The following TSHZ1 variants were observed in gnomAD, a reference collection of about 807,000 sequenced individuals.
TSHZ1 encodes teashirt zinc finger homeobox 1.
In TSHZ1, 12 loss-of-function variants were observed where a neutral mutation model predicts 67.1. That is an observed-to-expected ratio of 0.18 (90% CI 0.11 to 0.29). The LOEUF (loss-of-function observed/expected upper bound fraction) is 0.29. TSHZ1 is among the 10% of genes least tolerant of loss of function. TSHZ1 has a pLI of 1.00. For missense variants in TSHZ1, 1,305 were observed against 1,413.9 expected, an observed-to-expected ratio of 0.92 and a Z score of 1.23; for synonymous variants, 632 against 622.4, an observed-to-expected ratio of 1.02 and a Z score of -0.23.
At chr18:75,255,419 A>C (rs2023351053) in intron 1 of TSHZ1, among the ~76,000 whole-genome samples, 1 of 152,244 alleles carries the variant, frequency 6.6e-6, no homozygotes, top group Non-Finnish European at 1.5e-5. Flanking sequence ...TGCTAAATAC[A>C]GGTAACATGC....
intron 1 of TSHZ1, among the ~76,000 whole-genome samples, chr18:75,278,267 AG>A (rs1010467813): frequency 5.1e-4 from 52 of 102,602 alleles, no homozygotes; most frequent in African/African-American, 1.7e-3. Flanking sequence ...GGTGGGTTGG[AG>A]GGGGGCTGGC....
At chr18:75,266,624 A>C (rs2023493472) in intron 1 of TSHZ1, among the ~76,000 whole-genome samples, 1 of 152,236 alleles carries the variant, frequency 6.6e-6, no homozygotes, top group African/African-American at 2.4e-5. Context: ...AAAGCCAAAA[A>C]GTGGCACTAA....
rs910016648 is a variant in TSHZ1 at position 75,281,698 on chromosome 18, C to T, written c.41-3750C>T. On this transcript the variant is annotated intron_variant, in intron 1 of 1. Coordinates refer to ENST00000580243, the MANE Select transcript of TSHZ1 (RefSeq NM_001308210.2). This position sits in a 1 kb window ranked among gnomAD's most constrained non-coding sequence, Gnocchi z 5.3. ...GACCTGGGGATGCGGCAGCTCAGAA[C>T]GGGGAGCGGGTAGCGGTCACCGAGG... 3.3e-5 allele frequency among the ~76,000 whole-genome samples: 5 copies of T among 152,164 alleles called. No individual in the cohort carries two copies. In the East Asian group the frequency reaches 5.8e-4, roughly 18 times the overall value.
intron 1 of TSHZ1, among the ~76,000 whole-genome samples, chr18:75,223,638 A>AATT (rs1221366343): frequency 5.3e-5 from 8 of 151,630 alleles, no homozygotes; most frequent in Admixed American, 5.3e-4. Context: ...AAAAAAAAAA[A>AATT]ATTGTCCCCC....
rs1423068333 is a variant in TSHZ1 at position 75,211,502 on chromosome 18, C to T, written c.-375C>T. ...CGCGCCGGGAGGAGCGCCCGCCCAGCAGCAGCGCGGCGGCGGGGAGGCGGC... is the reference window on the plus strand; with the variant it reads ...CGCGCCGGGAGGAGCGCCCGCCCAGTAGCAGCGCGGCGGCGGGGAGGCGGC... On this transcript the variant is annotated 5_prime_UTR_variant, in exon 1 of 2. Coordinates refer to ENST00000580243, the MANE Select transcript of TSHZ1 (RefSeq NM_001308210.2). 2 of 146,744 alleles carry T rather than the reference C, an allele frequency of 1.4e-5. No homozygotes were observed. Among genetic ancestry groups the T allele is most frequent in the Non-Finnish European group, 3.0e-5 (2 of 66,210 alleles). 9.1% of individuals were successfully genotyped at this position (146,744 alleles called of 1,614,324 possible).
At chr18:75,237,583 T>C (rs981265312) in intron 1 of TSHZ1, among the ~76,000 whole-genome samples, 13 of 152,138 alleles carry the variant, frequency 8.5e-5, no homozygotes, top group African/African-American at 2.7e-4. Flanking sequence ...TGTATACATA[T>C]ATACACACAG....
intron 1 of TSHZ1, among the ~76,000 whole-genome samples, chr18:75,216,200 TC>T (rs2022765583): frequency 6.6e-6 from 1 of 152,246 alleles, no homozygotes; most frequent in Non-Finnish European, 1.5e-5. Context: ...ATGTCTTATT[TC>T]CTACTCACTG....
At chr18:75,231,971 T>G (rs530944301) in intron 1 of TSHZ1, among the ~76,000 whole-genome samples, 97 of 152,238 alleles carry the variant, frequency 6.4e-4, no homozygotes, top group African/African-American at 2.3e-3. Flanking sequence ...TTCAGTGGTG[T>G]GAACTCAGCT....
At chr18:75,222,378 C>T (rs1257326536) in intron 1 of TSHZ1, among the ~76,000 whole-genome samples, 2 of 152,130 alleles carry the variant, frequency 1.3e-5, no homozygotes, top group Admixed American at 6.5e-5. Flanking sequence ...TCTTTTCTCC[C>T]TACTTTTCGA....
At chr18:75,212,375 C>G (rs2022709694) in intron 1 of TSHZ1, among the ~76,000 whole-genome samples, 1 of 150,660 alleles carries the variant, frequency 6.6e-6, no homozygotes, top group Admixed American at 6.6e-5. Context: ...AAACAGCAGC[C>G]TTTAATGTCC....
chr18:75,282,308 C>T (rs988829166), intron 1 of TSHZ1, among the ~76,000 whole-genome samples: 3 of 152,142 alleles, frequency 2.0e-5, no homozygotes, highest in Admixed American at 6.5e-5. Flanking sequence ...GGCCCTGAGA[C>T]GCAGCCCTGA....
At chr18:75,256,607 T>A (rs945497017) in intron 1 of TSHZ1, among the ~76,000 whole-genome samples, 2 of 152,226 alleles carry the variant, frequency 1.3e-5, no homozygotes, top group Non-Finnish European at 2.9e-5. Context: ...TTCCCTGGAA[T>A]TTTCTATAAA....
At chr18:75,258,980 T>C (rs2023396901) in intron 1 of TSHZ1, among the ~76,000 whole-genome samples, 1 of 152,128 alleles carries the variant, frequency 6.6e-6, no homozygotes, top group Non-Finnish European at 1.5e-5. Flanking sequence ...TAAGAAAAGG[T>C]CAAAGAAGGT....
At chr18:75,263,966 C>T (rs2023460293) in intron 1 of TSHZ1, among the ~76,000 whole-genome samples, 1 of 152,224 alleles carries the variant, frequency 6.6e-6, no homozygotes, top group African/African-American at 2.4e-5. Flanking sequence ...TGTAGTTATA[C>T]TACATTCTAT....
intron 1 of TSHZ1, among the ~76,000 whole-genome samples, chr18:75,235,559 C>T (rs189369462): frequency 6.6e-6 from 1 of 152,300 alleles, no homozygotes; most frequent in Non-Finnish European, 1.5e-5. Context: ...TGAGTACTTG[C>T]TTATTTCTTG....
At chr18:75,242,601 G>A (rs891068412) in intron 1 of TSHZ1, among the ~76,000 whole-genome samples, 2 of 152,184 alleles carry the variant, frequency 1.3e-5, no homozygotes, top group Non-Finnish European at 2.9e-5. Flanking sequence ...ATATTGATTT[G>A]GATATCATCT....
At chr18:75,273,969 G>C (rs1322610030) in intron 1 of TSHZ1, among the ~76,000 whole-genome samples, 1 of 152,080 alleles carries the variant, frequency 6.6e-6, no homozygotes, top group African/African-American at 2.4e-5. Context: ...GTGCACTCTC[G>C]CACACCCACA....
rs777123658 is a variant in TSHZ1, at chr18:75,289,071, G to GAA, written c.*441_*442dup. The GAA allele has an allele frequency of 9.1e-3, 1,275 of 139,786 alleles. 9 individuals carry two copies. The highest frequency in any genetic ancestry group is 0.016 in the Non-Finnish European group (946 of 60,120). 8.7% of individuals were successfully genotyped at this position (139,786 alleles called of 1,614,324 possible). ...AATTGCATTTCTGTGCCTTTCACTT[G>GAA]AAAAAAAAAAAAGAAGAAAAAAAGG... On this transcript the variant is annotated 3_prime_UTR_variant, in exon 2 of 2. Coordinates refer to ENST00000580243, the MANE Select transcript of TSHZ1 (RefSeq NM_001308210.2).
rs1397706625 is a variant in TSHZ1 at position 75,289,742 on chromosome 18, A to C, written c.*1101A>C. 6.0e-6 allele frequency: 1 copy of C among 167,094 alleles called. No homozygotes were observed. The highest frequency in any genetic ancestry group is 1.9e-4 in the East Asian group (1 of 5,206). 10.4% of individuals were successfully genotyped at this position (167,094 alleles called of 1,614,324 possible). Reference sequence around the variant, plus strand: ...AGCTTGATTTAAATAGAGGACTTTTACTGGCACCTGCATCTCTCCAGATGC... The same window carrying C: ...AGCTTGATTTAAATAGAGGACTTTTCCTGGCACCTGCATCTCTCCAGATGC... On this transcript the variant is annotated 3_prime_UTR_variant, in exon 2 of 2. Coordinates refer to ENST00000580243, the MANE Select transcript of TSHZ1 (RefSeq NM_001308210.2).
Sources: allele counts gnomAD v4.1 joint callset (sites outside exome capture counted in the v4.1 genomes callset), GRCh38; gene constraint gnomAD v4.1.1; non-coding constraint Gnocchi (gnomAD v3.1); transcripts MANE v1.5; gene names NCBI Gene and HGNC (gene_info 2026-07-23, HGNC 2026-07-21).